FNDC3B: variants seen among roughly 807,000 people sequenced by gnomAD.
FNDC3B encodes the protein fibronectin type III domain-containing protein 3B.
Under a neutral mutation model 151.5 loss-of-function variants are expected in FNDC3B, and 12 were observed. That is an observed-to-expected ratio of 0.08 (90% CI 0.05 to 0.13). The LOEUF is 0.13. FNDC3B is among the 10% of genes least tolerant of loss of function. FNDC3B has a pLI of 1.00. For missense variants in FNDC3B, 1,214 were observed against 1,505.3 expected, an observed-to-expected ratio of 0.81 and a Z score of 3.20; for synonymous variants, 528 against 549.0, an observed-to-expected ratio of 0.96 and a Z score of 0.54.
At chr3:172,217,331 CCATGTTAGGTCAT>C (rs1350901039) in intron 3 of FNDC3B, among the ~76,000 whole-genome samples, 2 of 152,160 alleles carry the variant, frequency 1.3e-5, no homozygotes, top group Non-Finnish European at 2.9e-5. Flanking sequence ...CTTTTTGAAA[CCATGTTAGGTCAT>C]CATGCCTGCT....
chr3:172,175,439 C>T (rs1007129658), intron 3 of FNDC3B, among the ~76,000 whole-genome samples: 2 of 152,078 alleles, frequency 1.3e-5, no homozygotes, highest in Admixed American at 1.3e-4. Flanking sequence ...ATTCTTTTCA[C>T]CTCTTGTTTT....
chr3:172,223,077 C>A (rs1039289191), intron 3 of FNDC3B, among the ~76,000 whole-genome samples: 2 of 152,164 alleles, frequency 1.3e-5, no homozygotes, highest in Non-Finnish European at 2.9e-5. Flanking sequence ...AATTCATTAA[C>A]AATTGCTAGC....
intron 7 of FNDC3B, among the ~76,000 whole-genome samples, chr3:172,286,991 C>G (rs1730054433): frequency 6.6e-6 from 1 of 152,126 alleles, no homozygotes; most frequent in Non-Finnish European, 1.5e-5. Flanking sequence ...ATACAAGAGC[C>G]ATTCCAGAGA....
intron 6 of FNDC3B, among the ~76,000 whole-genome samples, chr3:172,265,485 T>A (rs1040221459): frequency 6.6e-6 from 1 of 152,170 alleles, no homozygotes; most frequent in South Asian, 2.1e-4. Flanking sequence ...TATAAAGATA[T>A]GAAGGAATAA....
At chr3:172,340,785 A>G (rs1733267902) in intron 16 of FNDC3B, among the ~76,000 whole-genome samples, 1 of 152,088 alleles carries the variant, frequency 6.6e-6, no homozygotes, top group Non-Finnish European at 1.5e-5. Context: ...GGAGCATTTG[A>G]TAGCTTGCCC....
intron 1 of FNDC3B, among the ~76,000 whole-genome samples, chr3:172,059,530 G>A (rs1717084590): frequency 6.6e-6 from 1 of 151,868 alleles, no homozygotes; most frequent in South Asian, 2.1e-4. Context: ...GAGAATTTAG[G>A]TTTGAAAGTG....
At chr3:172,236,882 C>G (rs183130036) in intron 4 of FNDC3B, among the ~76,000 whole-genome samples, 2 of 152,174 alleles carry the variant, frequency 1.3e-5, no homozygotes, top group African/African-American at 4.8e-5. Context: ...GTATTTGTTT[C>G]CATTCTCCTG....
rs574739327 is a variant in FNDC3B at position 172,099,693 on chromosome 3, G to A, written c.-28-12759G>A. On this transcript the variant is annotated intron_variant, in intron 1 of 25. Transcript: ENST00000415807. ...CTCTCATGATTTACCAAATGAATTT[G>A]CCTCACAAATGTTCTCTAATGAGTG... Among the ~76,000 whole-genome samples the A allele has an allele frequency of 2.0e-5, 3 of 152,278 alleles. No homozygotes were observed. In the East Asian group the frequency reaches 5.8e-4, roughly 29 times the overall value.
At chr3:172,095,826 A>G (rs979763835) in intron 1 of FNDC3B, among the ~76,000 whole-genome samples, 12 of 152,032 alleles carry the variant, frequency 7.9e-5, no homozygotes, top group African/African-American at 2.9e-4. Flanking sequence ...CAAAAAGCCT[A>G]GTTTTGCACA....
intron 11 of FNDC3B, among the ~76,000 whole-genome samples, chr3:172,317,701 A>G (rs1255897963): frequency 2.0e-5 from 3 of 152,350 alleles, no homozygotes; most frequent in Admixed American, 1.3e-4. Flanking sequence ...TGTTGATATA[A>G]GTTTACCTAA....
At chr3:172,097,070 C>T (rs990222001) in intron 1 of FNDC3B, among the ~76,000 whole-genome samples, 64 of 152,266 alleles carry the variant, frequency 4.2e-4, no homozygotes, top group African/African-American at 1.5e-3. Flanking sequence ...AAGTATGTAA[C>T]AGATTCTATT....
chr3:172,170,101 A>G (rs1475066489), intron 3 of FNDC3B, among the ~76,000 whole-genome samples: 1 of 152,212 alleles, frequency 6.6e-6, no homozygotes, highest in Non-Finnish European at 1.5e-5. Context: ...AGGTATATTA[A>G]AAATATAAGC....
chr3:172,304,775 T>C (rs1241371376), intron 9 of FNDC3B, among the ~76,000 whole-genome samples: 1 of 151,858 alleles, frequency 6.6e-6, no homozygotes, highest in Non-Finnish European at 1.5e-5. Flanking sequence ...CAAGTGCCTG[T>C]AATCCCAGCC....
chr3:172,394,165 A>AAAG (rs1244217054), intron 25 of FNDC3B, among the ~76,000 whole-genome samples: 28 of 147,054 alleles, frequency 1.9e-4, no homozygotes, highest in African/African-American at 6.9e-4. Flanking sequence ...TTCTAAAAGC[A>AAAG]AAGTTTAAAG....
intron 1 of FNDC3B, among the ~76,000 whole-genome samples, chr3:172,087,108 A>G (rs1178414633): frequency 6.6e-6 from 1 of 152,238 alleles, no homozygotes; most frequent in African/African-American, 2.4e-5. Context: ...TCCAAACGGA[A>G]TGAGAAGGAT....
At chr3:172,203,623 G>T (rs967701741) in intron 3 of FNDC3B, among the ~76,000 whole-genome samples, 12 of 152,188 alleles carry the variant, frequency 7.9e-5, no homozygotes, top group African/African-American at 2.9e-4. Flanking sequence ...GATTTTCTTT[G>T]AAAGATTATG....
At chr3:172,199,130 A>G (rs1180731081) in intron 3 of FNDC3B, among the ~76,000 whole-genome samples, 1 of 148,342 alleles carries the variant, frequency 6.7e-6, no homozygotes, top group Non-Finnish European at 1.5e-5. Flanking sequence ...TGCTTGGCCC[A>G]TTTTCATTTT....
chr3:172,391,758 G>A (rs1736018965), intron 25 of FNDC3B, among the ~76,000 whole-genome samples: 1 of 152,156 alleles, frequency 6.6e-6, no homozygotes, highest in African/African-American at 2.4e-5. Context: ...TGAAGATAGG[G>A]AAACCAAAGC....
At chr3:172,381,797 A>G (rs1735453736) in intron 25 of FNDC3B, among the ~76,000 whole-genome samples, 1 of 152,038 alleles carries the variant, frequency 6.6e-6, no homozygotes, top group Non-Finnish European at 1.5e-5. Flanking sequence ...AAGGACATGA[A>G]CTCGTTCTTT....
Sources: allele counts gnomAD v4.1 joint callset (sites outside exome capture counted in the v4.1 genomes callset), GRCh38; gene constraint gnomAD v4.1.1; transcripts MANE v1.5; gene names NCBI Gene and HGNC (gene_info 2026-07-23, HGNC 2026-07-21).